SLC18A1: variants seen among roughly 807,000 people sequenced by gnomAD.
SLC18A1 encodes chromaffin granule amine transporter.
Under a neutral mutation model 53.7 loss-of-function variants are expected in SLC18A1, and 69 were observed. The observed-to-expected ratio is 1.28, with a 90% CI of 1.06 to 1.57. The LOEUF (loss-of-function observed/expected upper bound fraction) is 1.57. Among genes scored for constraint, SLC18A1 ranks in the 40% most tolerant of loss-of-function variants. SLC18A1 has a pLI of 0.00. For synonymous variants in SLC18A1, 320 were observed against 248.1 expected (o/e 1.29, Z -2.72); for missense variants, 932 against 668.1 (o/e 1.40, Z -4.35).
Position 20,166,697 on chromosome 8 carries a change from G to A in SLC18A1, c.859-1590C>T, listed in dbSNP as rs1285781119. Among the ~76,000 whole-genome samples the A allele has an allele frequency of 2.0e-5, 3 of 152,038 alleles. No homozygotes were observed. The East Asian group carries it at 5.8e-4, about 29-fold the overall frequency. On this transcript the variant is annotated intron_variant, in intron 8 of 15. Coordinates refer to ENST00000276373, the MANE Select transcript of SLC18A1 (RefSeq NM_003053.4). ...AAAAAATAAATTATATTAGTGTTAT[G>A]GGCTGAATGGAGTCCCCCCACCTTA...
In SLC18A1 at chr8:20,150,702, G is replaced by C. The variant is rs777661722; in HGVS notation, c.1058C>G (p.Thr353Ser). 7.4e-6 allele frequency: 12 copies of C among 1,614,036 alleles called. No homozygotes were observed. The highest frequency in any genetic ancestry group is 1.0e-5 in the Non-Finnish European group (12 of 1,180,028). Residue 353 changes from threonine to serine, a missense_variant, in exon 11 of 16, where the codon ACC (threonine) becomes AGC (serine). Physicochemically the swap from Thr to Ser is moderately conservative, Grantham distance 58 (BLOSUM62 1). Transcript: ENST00000276373. ...GTTGGCCAACACACCAAAGAGGTTG[G>C]TGCCAATGAGGTAGGACACACTGGC... ...LPASVSYLIG[T>S]NLFGVLANKM...
Position 20,164,862 on chromosome 8 carries a change from C to A in SLC18A1, c.1015+7G>T. 6.2e-7 allele frequency: 1 copy of A among 1,602,738 alleles called. No homozygotes were observed. ...AGGCCCTGAGCGGGGGTGCTGAGGT[C>A]ACTTACCCAGCTGCCACTTGGGGGA... On this transcript the variant is annotated splice_region_variant and intron_variant, in intron 10 of 15. Coordinates refer to ENST00000276373, the MANE Select transcript of SLC18A1 (RefSeq NM_003053.4).
Position 20,147,859 on chromosome 8 carries a change from G to A in SLC18A1, c.1211-137C>T, listed in dbSNP as rs528553466. On this transcript the variant is annotated intron_variant, in intron 13 of 15. Coordinates refer to ENST00000276373, the MANE Select transcript of SLC18A1 (RefSeq NM_003053.4). ...AACACCTGTTCCAGGTGGGAATTAC[G>A]AGCTCATCTCTCCACAACCCTGCCA... 2.7e-5 allele frequency: 39 copies of A among 1,451,878 alleles called. 1 individual carries two copies. The highest frequency in any genetic ancestry group is 2.5e-4 in the Middle Eastern group (1 of 4,064). 89.9% of individuals were successfully genotyped at this position (1,451,878 alleles called of 1,614,324 possible).
chr8:20,161,784 C>A (rs79199985), intron 10 of SLC18A1, among the ~76,000 whole-genome samples: 3,550 of 152,258 alleles, frequency 0.023, 151 homozygotes, highest in African/African-American at 0.081. Context: ...TGTCCAAAAT[C>A]CTGGGCACAC....
intron 1 of SLC18A1, among the ~76,000 whole-genome samples, chr8:20,181,352 C>T (rs1041068767): frequency 1.3e-5 from 2 of 152,038 alleles, no homozygotes; most frequent in African/African-American, 2.4e-5. Flanking sequence ...TTCAAACATC[C>T]GACATTTATT....
chr8:20,147,750 C>T (rs1228342625), intron 13 of SLC18A1, 28 bp from the exon 14 acceptor site: 2 of 1,606,188 alleles, frequency 1.2e-6, no homozygotes, highest in Non-Finnish European at 1.7e-6. Flanking sequence ...AGGACACAGT[C>T]AGCCCCACCC....
chr8:20,173,923 G>A (rs1301332996), intron 5 of SLC18A1, among the ~76,000 whole-genome samples: 1 of 147,356 alleles, frequency 6.8e-6, no homozygotes, highest in South Asian at 2.1e-4. Flanking sequence ...TTGAGTTAGG[G>A]TCTAGCTCTG....
At chr8:20,150,854 A>C in intron 10 of SLC18A1, 110 bp from the exon 11 acceptor site, 2 of 966,012 alleles carry the variant, frequency 2.1e-6, no homozygotes, top group Non-Finnish European at 3.3e-6. Context: ...AGATCCCCAA[A>C]CCACTTTGTT....
intron 10 of SLC18A1, among the ~76,000 whole-genome samples, chr8:20,162,644 C>G (rs1335093296): frequency 2.0e-5 from 3 of 152,164 alleles, no homozygotes; most frequent in African/African-American, 7.2e-5. Context: ...TTTTTTGTAA[C>G]TGTATAACAA....
chr8:20,170,768 T>C (rs948038152), intron 8 of SLC18A1, among the ~76,000 whole-genome samples: 2 of 152,148 alleles, frequency 1.3e-5, no homozygotes, highest in Non-Finnish European at 2.9e-5. Flanking sequence ...TGCACATATA[T>C]ATATATATAT....
chr8:20,145,589 A>G lies in SLC18A1; in HGVS notation c.*174T>C, dbSNP rs1166095518. On this transcript the variant is annotated 3_prime_UTR_variant, in exon 16 of 16. Transcript: ENST00000276373. The stretch of plus-strand genomic sequence containing the variant: ...CACCAAGGCATAGAGGAAGAGCTAC[A>G]AGTTACACAGGTGAGAAGAGTATCA... The G allele has an allele frequency of 4.5e-6, 2 of 446,636 alleles. No individual in the cohort carries two copies. The highest frequency in any genetic ancestry group is 7.0e-5 in the East Asian group (2 of 28,432). 27.7% of individuals were successfully genotyped at this position (446,636 alleles called of 1,614,324 possible).
intron 8 of SLC18A1, among the ~76,000 whole-genome samples, chr8:20,166,334 C>T (rs866729465): frequency 7.7e-4 from 44 of 57,362 alleles, no homozygotes; most frequent in South Asian, 1.3e-3. Flanking sequence ...TATATATACA[C>T]CACCAGGTGG....
At position 20,182,119 on chromosome 8, in the gene SLC18A1, T is replaced by C. The variant is rs187053969; in HGVS notation, c.-124+944A>G. 7.7e-4 allele frequency among the ~76,000 whole-genome samples: 117 copies of C among 152,306 alleles called. 2 individuals carry two copies. The highest frequency in any genetic ancestry group is 7.6e-3 in the Admixed American group (117 of 15,300). On this transcript the variant is annotated intron_variant, in intron 1 of 15. Coordinates refer to ENST00000276373, the MANE Select transcript of SLC18A1 (RefSeq NM_003053.4). ...TCTGTTGTGGTATCAACAATATCAC[T>C]CATTTAAATTTTAAAATAGATTACC...
chr8:20,172,824 G>A (rs1169537442), intron 6 of SLC18A1, among the ~76,000 whole-genome samples: 1 of 152,206 alleles, frequency 6.6e-6, no homozygotes, highest in Non-Finnish European at 1.5e-5. Flanking sequence ...TCCTCCAACA[G>A]GCTGGGCTTC....
rs1409688303 is a variant in SLC18A1, at chr8:20,147,685, G to A, written c.1248C>T (p.His416=). The A allele has an allele frequency of 1.9e-6, 3 of 1,613,900 alleles. No homozygotes were observed. The highest frequency in any genetic ancestry group is 2.2e-5 in the East Asian group (1 of 44,868). Residue 416 remains histidine, a synonymous_variant, in exon 14 of 16, where the codon CAC becomes CAT. Transcript: ENST00000276373. ...CCGAGGTGTGGCGTAGATCCACCAG[G>A]TGCCCCATGATGGGCATCATAGAAG... The part of the protein sequence containing the change: ...VDSSMMPIMG[H]LVDLRHTSVY...
intron 4 of SLC18A1, among the ~76,000 whole-genome samples, chr8:20,175,127 C>A (rs1043742496): frequency 3.3e-5 from 5 of 152,194 alleles, no homozygotes; most frequent in Admixed American, 3.3e-4. Context: ...TGAGATCCAA[C>A]AGGAATATGT....
intron 15 of SLC18A1, 32 bp downstream of exon 15, chr8:20,147,226 G>A: frequency 6.4e-7 from 1 of 1,567,534 alleles, no homozygotes; most frequent in South Asian, 1.2e-5. Flanking sequence ...AAACAGAAGT[G>A]AATTTCTCTT....
chr8:20,171,961 G>A (rs936698139), intron 6 of SLC18A1, among the ~76,000 whole-genome samples: 121 of 152,228 alleles, frequency 7.9e-4, no homozygotes, highest in African/African-American at 2.8e-3. Context: ...AGCAGAGTAT[G>A]AATATTTGCG....
At chr8:20,176,660 T>A (rs2072260632) in intron 4 of SLC18A1, among the ~76,000 whole-genome samples, 1 of 152,188 alleles carries the variant, frequency 6.6e-6, no homozygotes, top group African/African-American at 2.4e-5. Flanking sequence ...CTTTTAAGTA[T>A]TTTTTAGAAC....
Sources: allele counts gnomAD v4.1 joint callset (sites outside exome capture counted in the v4.1 genomes callset), GRCh38; gene constraint gnomAD v4.1.1; transcripts MANE v1.5; gene names NCBI Gene and HGNC (gene_info 2026-07-23, HGNC 2026-07-21).